The following PRPF18 variants were observed in gnomAD, a reference collection of about 807,000 sequenced individuals.
The protein encoded by PRPF18 is pre-mRNA-splicing factor 18.
Under a neutral mutation model 46.5 loss-of-function variants are expected in PRPF18, and 38 were observed. The ratio of observed to expected loss-of-function variants is 0.82; its 90% CI spans 0.63 to 1.07. PRPF18 has a LOEUF of 1.07. Among genes scored for constraint, PRPF18 ranks in the 50% least tolerant of loss-of-function variants. The pLI, the probability that PRPF18 is intolerant of heterozygous loss-of-function variation, is 0.00. For synonymous variants in PRPF18, 152 were observed against 146.7 expected, an observed-to-expected ratio of 1.04 and a Z score of -0.26; for missense variants, 263 against 410.0, an observed-to-expected ratio of 0.64 and a Z score of 3.10.
intron 4 of PRPF18, among the ~76,000 whole-genome samples, chr10:13,607,349 A>G (rs1233154835): frequency 6.6e-6 from 1 of 151,956 alleles, no homozygotes; most frequent in Non-Finnish European, 1.5e-5. Context: ...TTTTGTGACT[A>G]TTTTCTTGTA....
At chr10:13,601,505 CCCGAT>C (rs1209589085) in intron 3 of PRPF18, among the ~76,000 whole-genome samples, 2 of 152,200 alleles carry the variant, frequency 1.3e-5, no homozygotes, top group Non-Finnish European at 2.9e-5. Context: ...CCCCCTGTGC[CCCGAT>C]CAGTCCTCCT....
chr10:13,634,431 G>C (rs1167514508), downstream of PRPF18, among the ~76,000 whole-genome samples: 1 of 152,248 alleles, frequency 6.6e-6, no homozygotes, highest in Non-Finnish European at 1.5e-5. Flanking sequence ...CTGAGCTTCA[G>C]GCCGGGACAG....
At chr10:13,587,288 G>T (rs184988664) in intron 1 of PRPF18, 136 bp downstream of exon 1, 263 of 916,120 alleles carry the variant, frequency 2.9e-4, no homozygotes, top group Non-Finnish European at 2.0e-4. Flanking sequence ...ACTACCCCTG[G>T]TAGGCCCCCT....
chr10:13,612,765 AT>A (rs1669646513), intron 6 of PRPF18, among the ~76,000 whole-genome samples: 1 of 151,552 alleles, frequency 6.6e-6, no homozygotes, highest in Non-Finnish European at 1.5e-5. Flanking sequence ...ATGTACCACC[AT>A]GCCCAGCTAA....
intron 1 of PRPF18, among the ~76,000 whole-genome samples, chr10:13,594,654 TA>T (rs2080009461): frequency 1.3e-5 from 2 of 152,360 alleles, no homozygotes; most frequent in Non-Finnish European, 2.9e-5. Context: ...AAAATCTCAT[TA>T]ATATCACCAC....
At chr10:13,652,033 GAC>G in the PRPF18 span, 1 of 855,048 alleles carries the variant, frequency 1.2e-6, no homozygotes, top group South Asian at 1.3e-5. Flanking sequence ...GAGAGACACT[GAC>G]ACAGACACAG....
the PRPF18 span, chr10:13,638,133 G>C: frequency 6.6e-6 from 1 of 152,198 alleles, no homozygotes; most frequent in Non-Finnish European, 1.5e-5. Context: ...GAGTGGGACT[G>C]CCTGGAAACC....
At chr10:13,610,814 G>A (rs953336877) in intron 5 of PRPF18, among the ~76,000 whole-genome samples, 3 of 152,178 alleles carry the variant, frequency 2.0e-5, no homozygotes, top group African/African-American at 7.2e-5. Context: ...TCTCTGGAAT[G>A]GCTGTCCTAG....
chr10:13,601,787 T>G (rs2080114031), intron 3 of PRPF18, among the ~76,000 whole-genome samples: 1 of 152,170 alleles, frequency 6.6e-6, no homozygotes, highest in Non-Finnish European at 1.5e-5. Flanking sequence ...CATGATAAAA[T>G]AAGGTAATGC....
At position 13,609,931 on chromosome 10, in the gene PRPF18, T is replaced by C. The variant is rs144092530; in HGVS notation, c.364-108T>C. 313 of 1,240,642 alleles carry C rather than the reference T, an allele frequency of 2.5e-4. 1 individual carries two copies. In the African/African-American group the frequency reaches 4.0e-3, roughly 16 times the overall value. 76.9% of individuals were successfully genotyped at this position (1,240,642 alleles called of 1,614,324 possible). A position where few individuals can be genotyped will look rare whatever the true frequency, so the allele number is the denominator to read the frequency against. On this transcript the variant is annotated intron_variant, in intron 4 of 9. Coordinates refer to ENST00000378572, the MANE Select transcript of PRPF18 (RefSeq NM_003675.4). ...TTGAGTCCCTACTTTTGCTGAACTC[T>C]TCTTGTGGGGGAAAAAATATTTGCA...
chr10:13,598,996 C>T (rs926040275), intron 2 of PRPF18, among the ~76,000 whole-genome samples: 2 of 152,128 alleles, frequency 1.3e-5, no homozygotes, highest in Admixed American at 1.3e-4. Context: ...ACTTCGAGTC[C>T]AGCTCATGAA....
intron 1 of PRPF18, among the ~76,000 whole-genome samples, chr10:13,594,256 A>G (rs1298135609): frequency 6.6e-6 from 1 of 152,236 alleles, no homozygotes; most frequent in Non-Finnish European, 1.5e-5. Context: ...GAAAAGTGAC[A>G]TTGTTTTAGA....
At chr10:13,654,875 G>C in the PRPF18 span, 3 of 269,002 alleles carry the variant, frequency 1.1e-5, no homozygotes, top group African/African-American at 6.7e-5. Context: ...ATAGTCCTTT[G>C]AGCGAGACCT....
chr10:13,614,479 G>A (rs1053238554), intron 8 of PRPF18, among the ~76,000 whole-genome samples: 2 of 152,132 alleles, frequency 1.3e-5, no homozygotes, highest in African/African-American at 4.8e-5. Context: ...GGTCATAAAA[G>A]CCCCTTTAAT....
the PRPF18 span, chr10:13,642,477 G>A: frequency 6.6e-6 from 1 of 152,216 alleles, no homozygotes. Context: ...CTTTCTACCA[G>A]GAGTGGGGTG....
the PRPF18 span, among the ~76,000 whole-genome samples, chr10:13,650,204 A>AAAC: frequency 6.6e-6 from 1 of 152,174 alleles, no homozygotes; most frequent in Non-Finnish European, 1.5e-5. Context: ...GAGGAATTTC[A>AAAC]AACTGAATTA....
At chr10:13,616,299 G>A (rs372714517) in intron 8 of PRPF18, 99 bp from the exon 9 acceptor site, 7 of 1,301,716 alleles carry the variant, frequency 5.4e-6, no homozygotes, top group Admixed American at 4.6e-5. Context: ...AAAGGTGGAC[G>A]AAAATTACAT....
intron 9 of PRPF18, among the ~76,000 whole-genome samples, chr10:13,625,651 A>G (rs1447806135): frequency 6.6e-6 from 1 of 152,202 alleles, no homozygotes; most frequent in Non-Finnish European, 1.5e-5. Flanking sequence ...ATGAATAGGA[A>G]GAGTTCACAT....
At chr10:13,654,675 G>A in the PRPF18 span, 42 of 601,910 alleles carry the variant, frequency 7.0e-5, no homozygotes, top group African/African-American at 6.9e-4. Flanking sequence ...CCTATGGCAT[G>A]GTCACAGTGG....
Sources: allele counts gnomAD v4.1 joint callset (sites outside exome capture counted in the v4.1 genomes callset), GRCh38; gene constraint gnomAD v4.1.1; transcripts MANE v1.5; gene names NCBI Gene and HGNC (gene_info 2026-07-23, HGNC 2026-07-21).